The following MTCL1 variants were observed in gnomAD, a reference collection of about 807,000 sequenced individuals.
MTCL1 encodes microtubule cross-linking factor 1.
MTCL1 carries 79 observed loss-of-function variants against 141.4 expected under a neutral mutation model. That is an observed-to-expected ratio of 0.56 (90% CI 0.47 to 0.67). The LOEUF (loss-of-function observed/expected upper bound fraction) is 0.67. Among genes scored for constraint, MTCL1 ranks in the 30% least tolerant of loss-of-function variants. MTCL1 has a pLI of 0.00. For synonymous variants in MTCL1, 914 were observed against 875.8 expected (o/e 1.04, Z -0.77); for missense variants, 2,177 against 2,113.9 (o/e 1.03, Z -0.59).
chr18:8,804,629 A>G (rs2076230267), intron 10 of MTCL1, among the ~76,000 whole-genome samples: 1 of 152,158 alleles, frequency 6.6e-6, no homozygotes, highest in Non-Finnish European at 1.5e-5. Context: ...TCCCAGAGTT[A>G]TTAAAGTAAA....
chr18:8,774,036 A>G (rs534487133), intron 4 of MTCL1, among the ~76,000 whole-genome samples: 3 of 152,332 alleles, frequency 2.0e-5, no homozygotes, highest in African/African-American at 4.8e-5. Flanking sequence ...GCAGGCCCCA[A>G]CAGTTTGTCA....
chr18:8,749,123 C>T (rs1255824516), intron 4 of MTCL1, among the ~76,000 whole-genome samples: 1 of 152,248 alleles, frequency 6.6e-6, no homozygotes, highest in East Asian at 1.9e-4. Context: ...AGCCTTCGAT[C>T]AGCCAGCAGC....
chr18:8,720,088 A>G (rs2096158929), intron 3 of MTCL1: 2 of 392,212 alleles, frequency 5.1e-6, no homozygotes, highest in Non-Finnish European at 9.1e-6. Context: ...CTTTAGTGAC[A>G]CTAAGGTTAG....
intron 9 of MTCL1, among the ~76,000 whole-genome samples, chr18:8,797,054 C>G (rs1179896695): frequency 2.0e-5 from 3 of 152,182 alleles, no homozygotes. Flanking sequence ...TACGCTCTGA[C>G]CTAGTGTTAA....
chr18:8,812,893 G>A (rs1042095772), intron 11 of MTCL1, 86 bp from the exon 11 acceptor site: 56 of 1,491,830 alleles, frequency 3.8e-5, no homozygotes, highest in Non-Finnish European at 4.2e-5. Flanking sequence ...CATGTTTCCA[G>A]GGATCACATG....
In MTCL1 at chr18:8,830,215, G is replaced by A. The variant is rs140734170; in HGVS notation, c.*18+1251G>A. The A allele has an allele frequency of 1.1e-3, 1,107 of 985,736 alleles. No individual in the cohort carries two copies. The highest frequency in any genetic ancestry group is 2.5e-3 in the Admixed American group (41 of 16,292). The allele number at this position is 985,736 out of a possible 1,614,324, so 61.1% of individuals were successfully genotyped here. ...AGTCTGCATCTTGGTGGCTGGTGGC[G>A]CTGGTGGAGTTTTAACTGGAGAGGT... On this transcript the variant is annotated intron_variant, in intron 16 of 16. Transcript: ENST00000359865. The surrounding 1 kb of genome is among the most constrained non-coding windows in gnomAD (Gnocchi z 6.4).
intron 12 of MTCL1, among the ~76,000 whole-genome samples, chr18:8,813,823 T>C (rs690022): frequency 0.36 from 54,000 of 151,924 alleles, 9,926 homozygotes; most frequent in East Asian, 0.56. Flanking sequence ...CTCAGATGAA[T>C]TTGGGGAGGA....
At chr18:8,785,858 C>T (rs1447718718) in intron 6 of MTCL1, 78 bp from the exon 6 acceptor site, 2 of 1,509,162 alleles carry the variant, frequency 1.3e-6, no homozygotes, top group Non-Finnish European at 1.8e-6. Flanking sequence ...TGCCTCCACC[C>T]TTGTCCTTTG....
At chr18:8,764,028 C>T (rs901962957) in intron 4 of MTCL1, among the ~76,000 whole-genome samples, 14 of 152,054 alleles carry the variant, frequency 9.2e-5, no homozygotes, top group African/African-American at 3.4e-4. Flanking sequence ...ATAGAAATCA[C>T]ACAGTTGAAA....
At chr18:8,793,831 G>A (rs1330551700) in intron 8 of MTCL1, among the ~76,000 whole-genome samples, 1 of 152,242 alleles carries the variant, frequency 6.6e-6, no homozygotes, top group East Asian at 1.9e-4. Flanking sequence ...CTTGAATAGA[G>A]CACGTTGGTG....
chr18:8,770,290 G>C (rs181710164), intron 4 of MTCL1, among the ~76,000 whole-genome samples: 6 of 152,212 alleles, frequency 3.9e-5, no homozygotes, highest in Non-Finnish European at 8.8e-5. Flanking sequence ...ACTCTTGACA[G>C]GATTGAATTA....
chr18:8,806,026 T>C (rs1170720236), intron 10 of MTCL1, among the ~76,000 whole-genome samples: 1 of 152,070 alleles, frequency 6.6e-6, no homozygotes, highest in African/African-American at 2.4e-5. Context: ...ATAAGCAGAT[T>C]AGTAATAAAA....
intron 6 of MTCL1, chr18:8,785,727 G>A: frequency 1.6e-6 from 1 of 611,578 alleles, no homozygotes; most frequent in South Asian, 2.2e-5. Context: ...CTCATCTTGG[G>A]TCTGTTTTCT....
intron 10 of MTCL1, 79 bp from the exon 10 acceptor site, chr18:8,806,814 G>A (rs2076314187): frequency 2.9e-6 from 4 of 1,401,258 alleles, no homozygotes; most frequent in Non-Finnish European, 3.9e-6. Flanking sequence ...ACACTACCTT[G>A]ATAGCCAGAT....
chr18:8,715,029 CT>C (rs2096119842), upstream of MTCL1, among the ~76,000 whole-genome samples: 1 of 152,176 alleles, frequency 6.6e-6, no homozygotes, highest in African/African-American at 2.4e-5. Flanking sequence ...ATCTCCTGAC[CT>C]TGTGATCCGC....
chr18:8,795,470 C>T (rs550248829), intron 8 of MTCL1, among the ~76,000 whole-genome samples: 2 of 152,280 alleles, frequency 1.3e-5, no homozygotes, highest in African/African-American at 4.8e-5. Flanking sequence ...ATTTTATTCA[C>T]GCTTACTTTT....
At chr18:8,710,837 C>CTTTT (rs59041416) in intron 1 of MTCL1, among the ~76,000 whole-genome samples, 5 of 80,882 alleles carry the variant, frequency 6.2e-5, no homozygotes, top group Admixed American at 2.9e-4. Context: ...GGAAGGCTTT[C>CTTTT]TTTTTTTTTT....
At chr18:8,794,699 C>T (rs980625414) in intron 8 of MTCL1, among the ~76,000 whole-genome samples, 100 of 152,310 alleles carry the variant, frequency 6.6e-4, no homozygotes, top group African/African-American at 2.3e-3. Context: ...AAGTTAAGTC[C>T]TGGAGACTGA....
rs115963216 is a variant in MTCL1 at position 8,824,896 on chromosome 18, C to T, written c.3386C>T (p.Pro1129Leu). Residue 1129 changes from proline to leucine, a missense_variant, in exon 15 of 17, where the codon CCG becomes CTG. Transcript: ENST00000359865. ...AACAGGGGCCACAATGGTGGGGGGCCGGACCTTTGGGCCGACAGGACCGAG... is the reference window on the plus strand; with the variant it reads ...AACAGGGGCCACAATGGTGGGGGGCTGGACCTTTGGGCCGACAGGACCGAG... The T allele has an allele frequency of 1.2e-4, 189 of 1,613,860 alleles. No individual in the cohort carries two copies. The East Asian group carries it at 2.1e-3, about 18-fold the overall frequency.
Sources: allele counts gnomAD v4.1 joint callset (sites outside exome capture counted in the v4.1 genomes callset), GRCh38; gene constraint gnomAD v4.1.1; non-coding constraint Gnocchi (gnomAD v3.1); transcripts MANE v1.5; gene names NCBI Gene and HGNC (gene_info 2026-07-23, HGNC 2026-07-21).